The following HNF4G variants were observed in gnomAD, a reference collection of about 807,000 sequenced individuals.
HNF4G encodes the protein hepatocyte nuclear factor 4-gamma.
In HNF4G, 21 loss-of-function variants were observed where a neutral mutation model predicts 50.9. The observed-to-expected ratio is 0.41, with a 90% CI of 0.29 to 0.59. The LOEUF (loss-of-function observed/expected upper bound fraction) is 0.59. Among genes scored for constraint, HNF4G ranks in the 20% least tolerant of loss-of-function variants. The pLI is 0.26. For synonymous variants in HNF4G, 198 were observed against 185.6 expected, an observed-to-expected ratio of 1.07 and a Z score of -0.54; for missense variants, 527 against 559.4, an observed-to-expected ratio of 0.94 and a Z score of 0.58.
chr8:75,505,615 T>C lies in HNF4G; in HGVS notation c.-24+15407T>C, dbSNP rs188057890. Among the ~76,000 whole-genome samples the C allele has an allele frequency of 2.2e-3, 332 of 152,208 alleles. 2 individuals are homozygous for C. The highest frequency in any genetic ancestry group is 7.7e-3 in the African/African-American group (321 of 41,558). On this transcript the variant is annotated intron_variant, in intron 2 of 10. Transcript: ENST00000354370. Reference sequence around the variant, plus strand: ...CTCAATTTTTTTGAGTTTCACTGCCTTGTCGTTTACAAACAAATATAAACG... The same window carrying C: ...CTCAATTTTTTTGAGTTTCACTGCCCTGTCGTTTACAAACAAATATAAACG...
At chr8:75,548,260 C>T (rs1341860689) in intron 3 of HNF4G, among the ~76,000 whole-genome samples, 1 of 152,168 alleles carries the variant, frequency 6.6e-6, no homozygotes, top group Non-Finnish European at 1.5e-5. Flanking sequence ...GCTGGGATTA[C>T]AGGCTTGAGC....
At chr8:75,421,361 A>G (rs1393045250) in intron 1 of HNF4G, among the ~76,000 whole-genome samples, 1 of 152,210 alleles carries the variant, frequency 6.6e-6, no homozygotes, top group African/African-American at 2.4e-5. Context: ...CCATTCCTTT[A>G]TCATCTGGGA....
intron 2 of HNF4G, among the ~76,000 whole-genome samples, chr8:75,509,297 G>A (rs1159659727): frequency 2.0e-5 from 3 of 152,156 alleles, no homozygotes; most frequent in Admixed American, 1.3e-4. Flanking sequence ...CAAAGAAGTA[G>A]AAGGTGGAAA....
At chr8:75,513,907 TTCTC>T (rs1805822872) in intron 2 of HNF4G, among the ~76,000 whole-genome samples, 1 of 151,910 alleles carries the variant, frequency 6.6e-6, no homozygotes, top group Non-Finnish European at 1.5e-5. Context: ...GGTTAAGACT[TTCTC>T]TATAGTCAGT....
At chr8:75,545,239 ATGTGTG>A (rs57486410) in intron 2 of HNF4G, among the ~76,000 whole-genome samples, 89 of 145,590 alleles carry the variant, frequency 6.1e-4, no homozygotes, top group African/African-American at 1.6e-3. Context: ...TTAAAATTGA[ATGTGTG>A]TGTGTGTGTG....
At chr8:75,530,991 A>C (rs2130766057) in intron 2 of HNF4G, among the ~76,000 whole-genome samples, 1 of 152,050 alleles carries the variant, frequency 6.6e-6, no homozygotes, top group South Asian at 2.1e-4. Context: ...ACAGGGTTTC[A>C]CCATGTTGTG....
At chr8:75,556,882 A>G (rs1807144603) in intron 6 of HNF4G, among the ~76,000 whole-genome samples, 1 of 152,228 alleles carries the variant, frequency 6.6e-6, no homozygotes, top group Admixed American at 6.5e-5. Flanking sequence ...TTACATGTAT[A>G]TGTATATATA....
chr8:75,534,515 A>G (rs1435846461), intron 2 of HNF4G, among the ~76,000 whole-genome samples: 1 of 151,870 alleles, frequency 6.6e-6, no homozygotes, highest in Non-Finnish European at 1.5e-5. Context: ...TAATAACGAT[A>G]GTTTTTACTC....
At position 75,566,296 on chromosome 8, in the gene HNF4G, G is replaced by T. The variant is rs1807460424; in HGVS notation, c.*2200G>T. 6.6e-6 allele frequency: 1 copy of T among 152,040 alleles called. No homozygotes were observed. Among genetic ancestry groups the T allele is most frequent in the South Asian group, 2.1e-4 (1 of 4,822 alleles). 9.4% of individuals were successfully genotyped at this position (152,040 alleles called of 1,614,324 possible). On this transcript the variant is annotated 3_prime_UTR_variant, in exon 10 of 10. Transcript: ENST00000396423. ...CTCATGACTGAATCACCCTCCAAAG[G>T]CCCCACCTCCTAATACCATCACTCT...
chr8:75,427,975 A>T (rs952113250), intron 1 of HNF4G, among the ~76,000 whole-genome samples: 12 of 152,306 alleles, frequency 7.9e-5, no homozygotes, highest in African/African-American at 2.4e-4. Context: ...AATCAAAGCA[A>T]CATTGTTTTA....
At chr8:75,510,073 T>A (rs1293226161) in intron 2 of HNF4G, among the ~76,000 whole-genome samples, 2 of 152,108 alleles carry the variant, frequency 1.3e-5, no homozygotes, top group East Asian at 3.9e-4. Flanking sequence ...AACCTTCCAA[T>A]GGGACAAGAT....
intron 5 of HNF4G, 138 bp downstream of exon 5, chr8:75,553,335 T>C (rs62515061): frequency 0.16 from 110,463 of 690,778 alleles, 9,454 homozygotes; most frequent in South Asian, 0.19. Context: ...AAGGATTGGG[T>C]TTCCTTACCC....
chr8:75,455,097 C>A (rs1228573531), intron 1 of HNF4G, among the ~76,000 whole-genome samples: 2 of 152,058 alleles, frequency 1.3e-5, no homozygotes, highest in African/African-American at 2.4e-5. Flanking sequence ...ATTATTCTAT[C>A]TCATCAAAAA....
chr8:75,431,938 CAA>C (rs1000292507), intron 1 of HNF4G, among the ~76,000 whole-genome samples: 1 of 148,622 alleles, frequency 6.7e-6, no homozygotes, highest in African/African-American at 2.5e-5. Context: ...AAAAAAAAAA[CAA>C]AACAAAAACA....
intron 1 of HNF4G, among the ~76,000 whole-genome samples, chr8:75,440,052 A>T (rs1350136743): frequency 6.6e-6 from 1 of 152,112 alleles, no homozygotes; most frequent in Non-Finnish European, 1.5e-5. Flanking sequence ...CCATCAGAAC[A>T]TTATCTTAAT....
intron 1 of HNF4G, among the ~76,000 whole-genome samples, chr8:75,467,912 G>GTTC (rs1183069087): frequency 6.6e-6 from 1 of 152,000 alleles, no homozygotes; most frequent in Non-Finnish European, 1.5e-5. Context: ...AGTAGCAAAT[G>GTTC]TTCTAGGTGA....
rs139614020 is a variant in HNF4G, at chr8:75,470,464, C to G, written c.-143-19625C>G. 3.9e-4 allele frequency among the ~76,000 whole-genome samples: 60 copies of G among 152,214 alleles called. 1 individual carries two copies. The highest frequency in any genetic ancestry group is 1.3e-3 in the African/African-American group (55 of 41,550). On this transcript the variant is annotated intron_variant, in intron 1 of 10. Coordinates refer to the HNF4G transcript ENST00000354370. ...ATTAATTTTGCTGTTTCTCTCCCCC[C>G]ACAGATTGTTCATTCCTTTAAGGAT...
At chr8:75,560,212 T>G in intron 8 of HNF4G, 132 bp from the exon 9 acceptor site, 1 of 800,800 alleles carries the variant, frequency 1.2e-6, no homozygotes, top group South Asian at 1.6e-5. Flanking sequence ...TCTGTCAATT[T>G]ATTTTTGAAT....
At chr8:75,409,886 C>T (rs1007631219) in intron 1 of HNF4G, among the ~76,000 whole-genome samples, 7 of 151,904 alleles carry the variant, frequency 4.6e-5, no homozygotes, top group Admixed American at 2.6e-4. Flanking sequence ...GAAAAAGAGC[C>T]CCCTCCCCAT....
Sources: allele counts gnomAD v4.1 joint callset (sites outside exome capture counted in the v4.1 genomes callset), GRCh38; gene constraint gnomAD v4.1.1; transcripts MANE v1.5; gene names NCBI Gene and HGNC (gene_info 2026-07-23, HGNC 2026-07-21).